KLHL4: variants seen among roughly 807,000 people sequenced by gnomAD.
KLHL4 encodes kelch like family member 4, also known as kelch-like protein 4.
Under a neutral mutation model 45.8 loss-of-function variants are expected in KLHL4, and 17 were observed. That is an observed-to-expected ratio of 0.37 (90% CI 0.25 to 0.56). The LOEUF (loss-of-function observed/expected upper bound fraction) is 0.56. KLHL4 is among the 20% of genes least tolerant of loss of function. The pLI is 0.79. For missense variants in KLHL4, 544 were observed against 544.9 expected (o/e 1.00, Z 0.02); for synonymous variants, 224 against 189.9 (o/e 1.18, Z -1.47).
intron 1 of KLHL4, among the ~76,000 whole-genome samples, chrX:87,518,723 G>T (rs1377758740): frequency 8.9e-6 from 1 of 111,787 alleles, no homozygotes; most frequent in Admixed American, 9.6e-5. Context: ...AATAAAAGCT[G>T]TGACTGATCA....
chrX:87,643,077 G>A (rs1445460386), intron 9 of KLHL4, among the ~76,000 whole-genome samples: 1 of 111,420 alleles, frequency 9.0e-6, no homozygotes, highest in African/African-American at 3.3e-5. Flanking sequence ...AAAAAGATCA[G>A]AGCAGAACTA....
At chrX:87,640,860 A>G (rs1923433872) in intron 9 of KLHL4, among the ~76,000 whole-genome samples, 1 of 111,827 alleles carries the variant, frequency 8.9e-6, no homozygotes, top group Admixed American at 9.5e-5. Context: ...CAAGATAAAG[A>G]AATAAAGGGC....
chrX:87,553,099 A>G (rs971311795), intron 1 of KLHL4, among the ~76,000 whole-genome samples: 9 of 110,652 alleles, frequency 8.1e-5, no homozygotes, highest in Non-Finnish European at 1.7e-4. Context: ...TGTATCCACA[A>G]TAATTAAAAA....
chrX:87,618,053 C>T lies in KLHL4; in HGVS notation c.849C>T (p.Asn283=), dbSNP rs967020568. 8.3e-7 allele frequency: 1 copy of T among 1,211,240 alleles called. No individual in the cohort carries two copies. The highest frequency in any genetic ancestry group is 1.1e-6 in the Non-Finnish European group (1 of 895,111). The change falls in exon 4 of 11, where the codon AAC becomes AAT. Residue 283 remains asparagine (N), a synonymous_variant. Coordinates refer to ENST00000373119, the MANE Select transcript of KLHL4 (RefSeq NM_019117.5). The part of the protein sequence containing the change: ...NFLIKQLHPS[N]CLGIRSFGDA... ...TCATAAAGCAGCTCCATCCTTCAAA[C>T]TGCTTAGGGATTCGATCATTTGGAG...
intron 1 of KLHL4, among the ~76,000 whole-genome samples, chrX:87,576,131 C>CT (rs1221325273): frequency 9.0e-6 from 1 of 111,380 alleles, no homozygotes; most frequent in African/African-American, 3.3e-5. Context: ...TAATCAGAAG[C>CT]TCTTGTTTTA....
intron 10 of KLHL4, among the ~76,000 whole-genome samples, chrX:87,666,107 A>G (rs1477963778): frequency 8.9e-6 from 1 of 111,874 alleles, no homozygotes; most frequent in African/African-American, 3.2e-5. Flanking sequence ...AAAAGAGTGA[A>G]AGAGAACTAA....
At chrX:87,521,156 C>T (rs1930991520) in intron 1 of KLHL4, among the ~76,000 whole-genome samples, 1 of 111,666 alleles carries the variant, frequency 9.0e-6, no homozygotes, top group Admixed American at 9.6e-5. Flanking sequence ...GGCTTTTGCA[C>T]AACCTACCAA....
chrX:87,534,886 TAA>T (rs942628810), intron 1 of KLHL4, among the ~76,000 whole-genome samples: 38 of 111,957 alleles, frequency 3.4e-4, no homozygotes, highest in African/African-American at 1.1e-3. Flanking sequence ...ATGAATCTGA[TAA>T]AGAGATTTAA....
intron 9 of KLHL4, 30 bp downstream of exon 9, chrX:87,635,805 A>C: frequency 9.7e-7 from 1 of 1,027,736 alleles, no homozygotes; most frequent in Non-Finnish European, 1.3e-6. Flanking sequence ...TTCTGTATGT[A>C]ATTATTTGGT....
At chrX:87,578,476 C>T (rs1921164477) in intron 1 of KLHL4, among the ~76,000 whole-genome samples, 1 of 111,554 alleles carries the variant, frequency 9.0e-6, no homozygotes. Context: ...CCCTCATTCC[C>T]CACAGAAACA....
chrX:87,540,716 T>A, intron 1 of KLHL4, among the ~76,000 whole-genome samples: 1 of 111,363 alleles, frequency 9.0e-6, no homozygotes, highest in Non-Finnish European at 1.9e-5. Flanking sequence ...CTATTTTTAA[T>A]AAGTAGAAGG....
At chrX:87,653,490 G>A (rs1198381124) in intron 9 of KLHL4, among the ~76,000 whole-genome samples, 2 of 111,850 alleles carry the variant, frequency 1.8e-5, no homozygotes, top group African/African-American at 6.5e-5. Context: ...AGATGCTGGT[G>A]AGGTTCTGAA....
intron 1 of KLHL4, among the ~76,000 whole-genome samples, chrX:87,582,885 G>A (rs1345820586): frequency 8.9e-6 from 1 of 111,881 alleles, no homozygotes; most frequent in African/African-American, 3.3e-5. Flanking sequence ...ACCTGAGTGG[G>A]TAGCCACTGC....
intron 9 of KLHL4, among the ~76,000 whole-genome samples, chrX:87,637,315 G>T (rs1392096023): frequency 3.6e-5 from 4 of 111,702 alleles, no homozygotes; most frequent in Non-Finnish European, 7.5e-5. Context: ...ACCCCCATAG[G>T]ACAAAAGAAT....
rs1326468377 is a variant in KLHL4, at chrX:87,582,296, A to T, written c.423-31581A>T. ...CTGTAAAAAAGCACCTAAGAGATAG[A>T]AAAAAACAGTCTGGAATCGCGGATG... On this transcript the variant is annotated intron_variant, in intron 1 of 10. Transcript: ENST00000373119. Among the ~76,000 whole-genome samples the T allele has an allele frequency of 5.8e-5, 4 of 69,469 alleles. No individual in the cohort carries two copies. In the East Asian group the frequency reaches 2.6e-3, roughly 46 times the overall value. 60.3% of individuals were successfully genotyped at this position (69,469 alleles called of 115,157 possible).
chrX:87,624,225 C>A (rs1386265247), intron 5 of KLHL4, among the ~76,000 whole-genome samples: 1 of 112,143 alleles, frequency 8.9e-6, no homozygotes, highest in Non-Finnish European at 1.9e-5. Flanking sequence ...GGTAGCCCAC[C>A]TCTGAGTATG....
intron 9 of KLHL4, among the ~76,000 whole-genome samples, chrX:87,660,546 A>G (rs1207153803): frequency 8.9e-6 from 1 of 112,312 alleles, no homozygotes; most frequent in Non-Finnish European, 1.9e-5. Context: ...TTTCATTGAC[A>G]CTTCAAACTA....
intron 6 of KLHL4, among the ~76,000 whole-genome samples, chrX:87,627,596 G>T (rs997366092): frequency 7.2e-5 from 8 of 111,547 alleles, no homozygotes; most frequent in African/African-American, 2.6e-4. Context: ...AATGTTACAA[G>T]CTAGGTTTTA....
At chrX:87,605,774 T>G (rs1922174507) in intron 1 of KLHL4, among the ~76,000 whole-genome samples, 1 of 111,571 alleles carries the variant, frequency 9.0e-6, no homozygotes, top group African/African-American at 3.2e-5. Context: ...GTGGAAGTGG[T>G]AACAGTGGTC....
Sources: gnomAD v4.1 joint callset for allele counts (sites outside exome capture counted in the v4.1 genomes callset) on GRCh38, gnomAD v4.1.1 for gene constraint, MANE v1.5 for transcripts, NCBI Gene and HGNC (gene_info 2026-07-23, HGNC 2026-07-21) for gene names.